EPN2: variants seen among roughly 807,000 people sequenced by gnomAD.
EPN2 encodes the protein epsin-2.
EPN2 carries 34 observed loss-of-function variants against 61.7 expected under a neutral mutation model. The ratio of observed to expected loss-of-function variants is 0.55; its 90% confidence interval spans 0.42 to 0.73. The LOEUF (loss-of-function observed/expected upper bound fraction) is 0.73, where lower values mean the gene tolerates loss of function less well. EPN2 is among the 30% of genes least tolerant of loss of function. EPN2 has a pLI of 0.00. For missense variants in EPN2, 714 were observed against 839.2 expected (o/e 0.85, Z 1.84); for synonymous variants, 349 against 353.6 (o/e 0.99, Z 0.15).
At chr17:19,253,463 G>A (rs557736578) in intron 1 of EPN2, among the ~76,000 whole-genome samples, 10 of 145,966 alleles carry the variant, frequency 6.9e-5, no homozygotes, top group African/African-American at 2.5e-4. Flanking sequence ...CACCCAGGCT[G>A]GAGTGCAGTG....
chr17:19,242,320 A>G (rs2044893677), intron 1 of EPN2, among the ~76,000 whole-genome samples: 1 of 152,230 alleles, frequency 6.6e-6, no homozygotes, highest in Non-Finnish European at 1.5e-5. Flanking sequence ...ATACACCTGT[A>G]GTCCCAGCTA....
At chr17:19,270,352 T>C (rs1423746736) in intron 1 of EPN2, among the ~76,000 whole-genome samples, 1 of 152,164 alleles carries the variant, frequency 6.6e-6, no homozygotes, top group East Asian at 1.9e-4. Flanking sequence ...GCAGGCAAGA[T>C]TGTTGATGGT....
chr17:19,304,433 G>A (rs566666507), intron 4 of EPN2, among the ~76,000 whole-genome samples: 1 of 152,326 alleles, frequency 6.6e-6, no homozygotes, highest in South Asian at 2.1e-4. Flanking sequence ...TGGCTCCCTA[G>A]CCCCTCCCTC....
chr17:19,244,062 T>C (rs2044917402), intron 1 of EPN2, among the ~76,000 whole-genome samples: 1 of 152,188 alleles, frequency 6.6e-6, no homozygotes, highest in Non-Finnish European at 1.5e-5. Context: ...GGAGAGAAGA[T>C]GTCATTGTCC....
At chr17:19,280,263 G>C (rs866633236) in intron 1 of EPN2, among the ~76,000 whole-genome samples, 18 of 152,154 alleles carry the variant, frequency 1.2e-4, no homozygotes, top group South Asian at 1.0e-3. Context: ...ACATTGTAAG[G>C]CTCCTGAACA....
intron 1 of EPN2, among the ~76,000 whole-genome samples, chr17:19,240,128 G>A (rs2044867350): frequency 6.6e-6 from 1 of 152,108 alleles, no homozygotes; most frequent in African/African-American, 2.4e-5. Flanking sequence ...GGTTCTCACT[G>A]TTCCCCATAA....
chr17:19,298,144 G>T (rs2045539329), intron 4 of EPN2, among the ~76,000 whole-genome samples: 1 of 152,026 alleles, frequency 6.6e-6, no homozygotes, highest in Non-Finnish European at 1.5e-5. Context: ...AAAGTGCTGG[G>T]ATTACAGGCG....
At chr17:19,266,041 G>A (rs867770027) in intron 1 of EPN2, among the ~76,000 whole-genome samples, 7 of 152,002 alleles carry the variant, frequency 4.6e-5, no homozygotes, top group Non-Finnish European at 5.9e-5. Flanking sequence ...CTTCTCAGTC[G>A]TCTTTCTGTC....
intron 1 of EPN2, among the ~76,000 whole-genome samples, chr17:19,239,443 C>T (rs1249965254): frequency 2.0e-5 from 3 of 152,266 alleles, no homozygotes; most frequent in Admixed American, 2.0e-4. Flanking sequence ...TGAGCCAACA[C>T]TCCCGGCCTA....
At chr17:19,309,281 C>T (rs1326843752) in intron 4 of EPN2, among the ~76,000 whole-genome samples, 2 of 152,126 alleles carry the variant, frequency 1.3e-5, no homozygotes, top group South Asian at 2.1e-4. Flanking sequence ...TAGGCACACG[C>T]CACCATGCCC....
At chr17:19,270,716 A>G (rs1325355859) in intron 1 of EPN2, among the ~76,000 whole-genome samples, 1 of 152,204 alleles carries the variant, frequency 6.6e-6, no homozygotes, top group African/African-American at 2.4e-5. Context: ...GGCAGGACAT[A>G]ATCCCTGTGG....
At chr17:19,306,584 T>C (rs773163778) in intron 4 of EPN2, among the ~76,000 whole-genome samples, 1 of 152,218 alleles carries the variant, frequency 6.6e-6, no homozygotes, top group Non-Finnish European at 1.5e-5. Flanking sequence ...GACGTAAACA[T>C]GTACATTTGC....
At chr17:19,296,335 G>A (rs1454077742) in intron 4 of EPN2, among the ~76,000 whole-genome samples, 1 of 152,012 alleles carries the variant, frequency 6.6e-6, no homozygotes, top group Non-Finnish European at 1.5e-5. Context: ...ATTTTTAGTA[G>A]AGATGGGGTT....
At chr17:19,272,089 T>G (rs530041568) in intron 1 of EPN2, among the ~76,000 whole-genome samples, 1 of 152,326 alleles carries the variant, frequency 6.6e-6, no homozygotes, top group Non-Finnish European at 1.5e-5. Context: ...GCTGATCAAA[T>G]GGTAGTCCAT....
chr17:19,280,831 C>T (rs563481145), intron 1 of EPN2, among the ~76,000 whole-genome samples: 8 of 152,276 alleles, frequency 5.3e-5, no homozygotes, highest in African/African-American at 1.7e-4. Flanking sequence ...GTTGAGGGCT[C>T]AGTCCCACAA....
At chr17:19,315,905 C>T (rs1906361295) in intron 7 of EPN2, among the ~76,000 whole-genome samples, 1 of 152,160 alleles carries the variant, frequency 6.6e-6, no homozygotes, top group African/African-American at 2.4e-5. Flanking sequence ...AACCGCATAC[C>T]CAGGCCCTGG....
intron 7 of EPN2, among the ~76,000 whole-genome samples, chr17:19,328,421 T>G (rs1050499562): frequency 5.9e-5 from 9 of 152,042 alleles, no homozygotes; most frequent in African/African-American, 2.2e-4. Flanking sequence ...CCCTGTATGG[T>G]GGGGAGCTTG....
chr17:19,281,458 C>T (rs534856844), intron 1 of EPN2, among the ~76,000 whole-genome samples: 1 of 152,320 alleles, frequency 6.6e-6, no homozygotes, highest in South Asian at 2.1e-4. Context: ...GTAGTCATTG[C>T]ATTTCCTGTG....
intron 1 of EPN2, among the ~76,000 whole-genome samples, chr17:19,253,792 G>A (rs2045042853): frequency 6.6e-6 from 1 of 152,140 alleles, no homozygotes; most frequent in South Asian, 2.1e-4. Flanking sequence ...ATGTGAGAGG[G>A]CAAGACAGTG....
Sources: gnomAD v4.1 joint callset for allele counts (sites outside exome capture counted in the v4.1 genomes callset) on GRCh38, gnomAD v4.1.1 for gene constraint, MANE v1.5 for transcripts, NCBI Gene and HGNC (gene_info 2026-07-23, HGNC 2026-07-21) for gene names.